The following SCLT1 variants were observed in gnomAD, a reference collection of about 807,000 sequenced individuals.
SCLT1 encodes the protein sodium channel and clathrin linker 1.
A neutral mutation model predicts 112.8 loss-of-function variants in SCLT1; 78 were observed. The observed-to-expected ratio is 0.69, with a 90% CI of 0.58 to 0.83. The LOEUF (loss-of-function observed/expected upper bound fraction) is 0.83. Ranked by LOEUF, SCLT1 falls within the 40% of genes least tolerant of loss-of-function variation. The pLI is 0.00. For missense variants in SCLT1, 747 were observed against 770.4 expected, an observed-to-expected ratio of 0.97 and a Z score of 0.36; for synonymous variants, 257 against 254.7, an observed-to-expected ratio of 1.01 and a Z score of -0.09.
intron 10 of SCLT1, among the ~76,000 whole-genome samples, chr4:128,965,741 A>C (rs1222716396): frequency 2.6e-5 from 4 of 152,026 alleles, no homozygotes; most frequent in Non-Finnish European, 5.9e-5. Flanking sequence ...TATATTAATA[A>C]ATTTTATTTG....
At chr4:128,896,978 A>G (rs577858140) in intron 18 of SCLT1, among the ~76,000 whole-genome samples, 1 of 152,324 alleles carries the variant, frequency 6.6e-6, no homozygotes, top group South Asian at 2.1e-4. Flanking sequence ...TAGAGAAAAA[A>G]GAATAAAAAG....
chr4:129,008,222 C>G (rs66737416), intron 5 of SCLT1, among the ~76,000 whole-genome samples: 1 of 152,202 alleles, frequency 6.6e-6, no homozygotes, highest in East Asian at 1.9e-4. Context: ...ATTCTGTCAA[C>G]GGTAATTTTC....
intron 2 of SCLT1, among the ~76,000 whole-genome samples, chr4:129,077,471 C>T (rs1384073272): frequency 6.6e-6 from 1 of 152,134 alleles, no homozygotes; most frequent in Non-Finnish European, 1.5e-5. Flanking sequence ...ATCTCCATGA[C>T]TTTCACTATA....
intron 17 of SCLT1, among the ~76,000 whole-genome samples, chr4:128,939,951 T>G (rs566564715): frequency 6.6e-6 from 1 of 152,176 alleles, no homozygotes; most frequent in Non-Finnish European, 1.5e-5. Flanking sequence ...GCCTTCTTCC[T>G]CCATAAAATA....
At chr4:129,030,467 A>G (rs908373947) in intron 5 of SCLT1, among the ~76,000 whole-genome samples, 3 of 152,200 alleles carry the variant, frequency 2.0e-5, no homozygotes, top group Admixed American at 6.5e-5. Flanking sequence ...AGATCAGAGC[A>G]GAACTGAAGG....
intron 2 of SCLT1, among the ~76,000 whole-genome samples, chr4:129,068,666 G>A (rs541006479): frequency 2.2e-4 from 33 of 152,132 alleles, no homozygotes; most frequent in African/African-American, 7.5e-4. Flanking sequence ...GTAGATTCTG[G>A]GTATTAGTCC....
At chr4:129,013,853 C>A (rs2126109303) in intron 5 of SCLT1, among the ~76,000 whole-genome samples, 1 of 152,318 alleles carries the variant, frequency 6.6e-6, no homozygotes, top group East Asian at 1.9e-4. Flanking sequence ...ATGTTACCCT[C>A]TCAAGCTAGG....
chr4:128,963,667 C>A (rs978486779), intron 11 of SCLT1, among the ~76,000 whole-genome samples: 2 of 152,122 alleles, frequency 1.3e-5, no homozygotes, highest in African/African-American at 4.8e-5. Flanking sequence ...CTTTATACTG[C>A]CCAAAATTAC....
In SCLT1 at chr4:128,899,798, C is replaced by T. The variant is rs1419086852; in HGVS notation, c.1830-8661G>A. 3.9e-5 allele frequency among the ~76,000 whole-genome samples: 6 copies of T among 152,184 alleles called. No individual in the cohort carries two copies. The East Asian group carries it at 1.2e-3, about 29-fold the overall frequency. On this transcript the variant is annotated intron_variant, in intron 18 of 20. Coordinates refer to ENST00000281142, the MANE Select transcript of SCLT1 (RefSeq NM_144643.4). Reference sequence around the variant, plus strand: ...ACCCCACTGTCTCAGCCCAAAATCTCCTTAAGCTGATAGGCAACTTCAGCA... The same window carrying T: ...ACCCCACTGTCTCAGCCCAAAATCTTCTTAAGCTGATAGGCAACTTCAGCA...
chr4:128,961,225 A>T (rs528014769), intron 11 of SCLT1, among the ~76,000 whole-genome samples: 1 of 152,202 alleles, frequency 6.6e-6, no homozygotes, highest in South Asian at 2.1e-4. Context: ...CTAAATTTTT[A>T]ATCCTGACTC....
intron 18 of SCLT1, among the ~76,000 whole-genome samples, chr4:128,897,631 C>A (rs954193108): frequency 9.2e-5 from 14 of 152,106 alleles, no homozygotes; most frequent in Admixed American, 2.0e-4. Flanking sequence ...GCAAAATCAC[C>A]AGCTAACATC....
At chr4:128,952,897 T>C in intron 13 of SCLT1, 57 bp from the exon 14 acceptor site, 1 of 842,308 alleles carries the variant, frequency 1.2e-6, no homozygotes, top group Non-Finnish European at 2.0e-6. Context: ...GATTAATATC[T>C]GATAAAAACA....
At chr4:129,035,104 T>C (rs1463783798) in intron 5 of SCLT1, among the ~76,000 whole-genome samples, 6 of 152,192 alleles carry the variant, frequency 3.9e-5, no homozygotes, top group African/African-American at 1.2e-4. Context: ...CTTCACCTAA[T>C]ATTAAGTTGG....
rs140716161 is a variant in SCLT1, at chr4:128,967,408, T to A, written c.778-2090A>T. Among the ~76,000 whole-genome samples the A allele has an allele frequency of 1.2e-4, 19 of 152,356 alleles. No individual in the cohort carries two copies. The East Asian group carries it at 2.9e-3, about 23-fold the overall frequency. On this transcript the variant is annotated intron_variant, in intron 10 of 20. Transcript: ENST00000281142. ...TGCTCAGTTGAATGGCACTTCTGTT[T>A]TGAGTTCTTTGAGAAATCTCCAAAC...
Position 128,984,139 on chromosome 4 carries a change from T to A in SCLT1, c.686+8028A>T, listed in dbSNP as rs572575288. 2.9e-4 allele frequency among the ~76,000 whole-genome samples: 44 copies of A among 152,360 alleles called. 1 individual carries two copies. The South Asian group carries it at 8.9e-3, about 31-fold the overall frequency. On this transcript the variant is annotated intron_variant, in intron 9 of 20. Transcript: ENST00000281142. ...TAAACACTTAAGACGTTTTAGGCTT[T>A]GGAAAACTGCAACTAGTTTTATCAA... is the stretch of plus-strand genomic sequence containing the variant.
At chr4:128,934,952 T>C (rs1483628435) in intron 18 of SCLT1, among the ~76,000 whole-genome samples, 1 of 152,004 alleles carries the variant, frequency 6.6e-6, no homozygotes, top group African/African-American at 2.4e-5. Context: ...ATAGAATAGA[T>C]GCCTTTAGAA....
At chr4:128,881,075 CT>C (rs769271456), downstream of SCLT1, among the ~76,000 whole-genome samples, 2 of 151,972 alleles carry the variant, frequency 1.3e-5, no homozygotes, top group Non-Finnish European at 2.9e-5. Flanking sequence ...GCATATTTTT[CT>C]TCGTTATATA....
chr4:128,915,531 C>T (rs1003819965), intron 18 of SCLT1, among the ~76,000 whole-genome samples: 3 of 152,162 alleles, frequency 2.0e-5, no homozygotes, highest in Non-Finnish European at 4.4e-5. Context: ...CATTATACAG[C>T]AGTGGTACAA....
At chr4:128,958,017 G>C (rs1225722282) in intron 12 of SCLT1, among the ~76,000 whole-genome samples, 2 of 151,994 alleles carry the variant, frequency 1.3e-5, no homozygotes, top group Non-Finnish European at 2.9e-5. Context: ...TTCTCTTAGT[G>C]GTCTAATCAA....
Sources: gnomAD v4.1 joint callset for allele counts (sites outside exome capture counted in the v4.1 genomes callset) on GRCh38, gnomAD v4.1.1 for gene constraint, MANE v1.5 for transcripts, NCBI Gene and HGNC (gene_info 2026-07-23, HGNC 2026-07-21) for gene names.